SHISA9: variants seen among roughly 807,000 people sequenced by gnomAD.
The protein encoded by SHISA9 is shisa family member 9, also known as protein shisa-9.
Under a neutral mutation model 38.0 loss-of-function variants are expected in SHISA9, and 13 were observed. The ratio of observed to expected loss-of-function variants is 0.34; its 90% CI spans 0.22 to 0.54. The LOEUF (loss-of-function observed/expected upper bound fraction) is 0.54. Among genes scored for constraint, SHISA9 ranks in the 20% least tolerant of loss-of-function variants. SHISA9 has a pLI of 0.91. For missense variants in SHISA9, 538 were observed against 575.8 expected (o/e 0.93, Z 0.67); for synonymous variants, 275 against 242.0 (o/e 1.14, Z -1.27).
chr16:13,239,289 A>G lies in SHISA9; in HGVS notation c.*3880A>G, dbSNP rs980734493. ...CTTTGCTATTGTGAATAGTGCCGCA[A>G]TAAACATACGTGTGCATGTGTCTTT... On this transcript the variant is annotated 3_prime_UTR_variant, in exon 5 of 5. Transcript: ENST00000558583. 6.6e-6 allele frequency: 1 copy of G among 151,640 alleles called. No homozygotes were observed. Among genetic ancestry groups the G allele is most frequent in the East Asian group, 1.9e-4 (1 of 5,146 alleles). 9.4% of individuals were successfully genotyped at this position (151,640 alleles called of 1,614,324 possible).
At chr16:12,990,625 A>G (rs2072372189) in intron 2 of SHISA9, among the ~76,000 whole-genome samples, 1 of 152,180 alleles carries the variant, frequency 6.6e-6, no homozygotes, top group Non-Finnish European at 1.5e-5. Context: ...GACATGTGGC[A>G]ATGTCTGAAG....
the SHISA9 span, among the ~76,000 whole-genome samples, chr16:13,293,396 A>T: frequency 6.6e-6 from 1 of 152,162 alleles, no homozygotes; most frequent in Admixed American, 6.5e-5. Context: ...GCTCTTAAAT[A>T]ATGCAGTGGC....
chr16:13,016,042 C>T (rs112358021), intron 2 of SHISA9, among the ~76,000 whole-genome samples: 1 of 122,600 alleles, frequency 8.2e-6, no homozygotes, highest in Admixed American at 9.4e-5. Context: ...GGCTGGAGTA[C>T]AGTGGCATGA....
chr16:13,063,917 C>T (rs533503932), intron 2 of SHISA9, among the ~76,000 whole-genome samples: 2 of 152,184 alleles, frequency 1.3e-5, no homozygotes, highest in African/African-American at 4.8e-5. Flanking sequence ...CTCTGACTTC[C>T]GACTCCCACA....
At chr16:13,200,445 A>ACACAC (rs1444256867) in intron 2 of SHISA9, among the ~76,000 whole-genome samples, 56 of 100,868 alleles carry the variant, frequency 5.6e-4, no homozygotes, top group African/African-American at 1.3e-3. Flanking sequence ...CACACACAGC[A>ACACAC]GCAGCAGCAG....
chr16:12,982,342 C>T (rs1358040054), intron 2 of SHISA9, among the ~76,000 whole-genome samples: 1 of 152,198 alleles, frequency 6.6e-6, no homozygotes, highest in Non-Finnish European at 1.5e-5. Context: ...CTAGTGATTG[C>T]CATAGTGGAC....
chr16:13,422,216 C>T, the SHISA9 span, among the ~76,000 whole-genome samples: 23 of 152,126 alleles, frequency 1.5e-4, no homozygotes, highest in African/African-American at 1.2e-4. Flanking sequence ...AGTGAGGCTC[C>T]AAGGATGTAA....
At chr16:13,189,547 G>A (rs771243233) in intron 2 of SHISA9, among the ~76,000 whole-genome samples, 2 of 152,286 alleles carry the variant, frequency 1.3e-5, no homozygotes, top group South Asian at 2.1e-4. Context: ...AAGTTTTTAC[G>A]TGGTTAATGT....
the SHISA9 span, among the ~76,000 whole-genome samples, chr16:13,354,634 A>G: frequency 7.0e-6 from 1 of 143,490 alleles, no homozygotes; most frequent in African/African-American, 2.5e-5. Context: ...CTCTAAAAGT[A>G]TTAAAGCAGC....
intron 2 of SHISA9, among the ~76,000 whole-genome samples, chr16:12,985,911 C>T (rs951450516): frequency 6.6e-6 from 1 of 152,164 alleles, no homozygotes; most frequent in African/African-American, 2.4e-5. Context: ...GAACTCATTA[C>T]TCTTGTGTGC....
chr16:13,341,720 C>T, the SHISA9 span, among the ~76,000 whole-genome samples: 1 of 152,138 alleles, frequency 6.6e-6, no homozygotes, highest in Non-Finnish European at 1.5e-5. Flanking sequence ...TCCCACAGAC[C>T]CTGTTTGAGT....
At chr16:13,533,919 G>T in the SHISA9 span, among the ~76,000 whole-genome samples, 1 of 151,784 alleles carries the variant, frequency 6.6e-6, no homozygotes, top group African/African-American at 2.4e-5. Flanking sequence ...GAGTAGCTGG[G>T]ACTACAGGCG....
chr16:13,492,982 A>G, the SHISA9 span, among the ~76,000 whole-genome samples: 30 of 152,250 alleles, frequency 2.0e-4, no homozygotes, highest in African/African-American at 6.5e-4. Flanking sequence ...ATGAGATTGG[A>G]GAGATAGAAA....
chr16:13,074,623 C>T (rs1452732006), intron 2 of SHISA9, among the ~76,000 whole-genome samples: 4 of 151,702 alleles, frequency 2.6e-5, no homozygotes, highest in African/African-American at 9.7e-5. Context: ...TTATTGTTAT[C>T]ATCATTACTA....
intron 2 of SHISA9, among the ~76,000 whole-genome samples, chr16:13,198,312 GTATA>G (rs2050969597): frequency 6.7e-6 from 1 of 149,184 alleles, no homozygotes; most frequent in Non-Finnish European, 1.5e-5. Flanking sequence ...ATACTTGTGT[GTATA>G]TGCATACATA....
the SHISA9 span, among the ~76,000 whole-genome samples, chr16:13,436,571 C>T: frequency 6.6e-6 from 1 of 152,188 alleles, no homozygotes; most frequent in Non-Finnish European, 1.5e-5. Context: ...CTGCCTATGA[C>T]GTAGCCATTC....
intron 2 of SHISA9, among the ~76,000 whole-genome samples, chr16:13,172,936 T>G (rs957890003): frequency 3.9e-5 from 6 of 152,150 alleles, no homozygotes; most frequent in African/African-American, 1.4e-4. Flanking sequence ...CCCGATCTGT[T>G]CAACTGGCAA....
intron 2 of SHISA9, among the ~76,000 whole-genome samples, chr16:13,094,925 A>G (rs183875558): frequency 1.2e-3 from 178 of 152,330 alleles, no homozygotes; most frequent in African/African-American, 3.1e-3. Flanking sequence ...TAACAATAAC[A>G]TATGTAAAGC....
intron 4 of SHISA9, among the ~76,000 whole-genome samples, chr16:13,223,042 T>C (rs1009239963): frequency 6.6e-5 from 10 of 152,166 alleles, no homozygotes; most frequent in African/African-American, 1.9e-4. Context: ...TTCAATTTTA[T>C]AGGTGAAGCT....
Sources: gnomAD v4.1 joint callset for allele counts (sites outside exome capture counted in the v4.1 genomes callset) on GRCh38, gnomAD v4.1.1 for gene constraint, MANE v1.5 for transcripts, NCBI Gene and HGNC (gene_info 2026-07-23, HGNC 2026-07-21) for gene names.